The following SCTR variants were observed in gnomAD, a reference collection of about 807,000 sequenced individuals.
SCTR encodes pancreatic secretin receptor.
A neutral mutation model predicts 60.8 loss-of-function variants in SCTR; 56 were observed. The observed-to-expected ratio is 0.92, with a 90% CI of 0.74 to 1.15. The LOEUF (loss-of-function observed/expected upper bound fraction) is 1.15, where lower values mean the gene tolerates loss of function less well. Among genes scored for constraint, SCTR ranks in the 50% most tolerant of loss-of-function variants. SCTR has a pLI of 0.00. For missense variants in SCTR, 562 were observed against 550.4 expected (o/e 1.02, Z -0.21); for synonymous variants, 202 against 217.0 (o/e 0.93, Z 0.61).
chr2:119,522,376 A>G (rs1465978808), intron 1 of SCTR, among the ~76,000 whole-genome samples: 1 of 152,038 alleles, frequency 6.6e-6, no homozygotes, highest in East Asian at 1.9e-4. Context: ...GGGAATCAAG[A>G]GATCTGGGTG....
Position 119,518,993 on chromosome 2 carries a change from G to C in SCTR, c.72+5162C>G, listed in dbSNP as rs888589095. ...ACTCCCCCTTTTTTTTTGAGACGGA[G>C]TTTTGCTCTTGCTGCCCAGACTGGA... is the stretch of plus-strand genomic sequence containing the variant. On this transcript the variant is annotated intron_variant, in intron 1 of 12. Transcript: ENST00000019103. Among the ~76,000 whole-genome samples, 3 of 152,060 alleles carry C rather than the reference G, an allele frequency of 2.0e-5. No homozygotes were observed. The South Asian group carries it at 6.2e-4, about 32-fold the overall frequency.
chr2:119,492,643 C>G (rs1457177854), intron 2 of SCTR, among the ~76,000 whole-genome samples: 2 of 152,060 alleles, frequency 1.3e-5, no homozygotes, highest in Admixed American at 6.5e-5. Context: ...GGAAACATCA[C>G]CTCTATCTAG....
intron 1 of SCTR, 66 bp from the exon 2 acceptor site, chr2:119,494,614 TG>T: frequency 6.4e-7 from 1 of 1,566,784 alleles, no homozygotes; most frequent in Non-Finnish European, 8.7e-7. Flanking sequence ...TGGGGGAGAA[TG>T]GGGCAAGACA....
intron 7 of SCTR, among the ~76,000 whole-genome samples, chr2:119,460,735 G>C (rs1481674531): frequency 6.6e-6 from 1 of 152,204 alleles, no homozygotes; most frequent in African/African-American, 2.4e-5. Flanking sequence ...AAAAGGGACA[G>C]AGATGGAATG....
chr2:119,469,750 C>T (rs1388829518), intron 4 of SCTR, among the ~76,000 whole-genome samples: 9 of 152,140 alleles, frequency 5.9e-5, no homozygotes, highest in African/African-American at 9.7e-5. Context: ...AGCCCAGCCT[C>T]CCAAAGTGCT....
At position 119,440,195 on chromosome 2, in the gene SCTR, G is replaced by A. The variant is rs75716989; in HGVS notation, c.1245C>T (p.Pro415=). The change falls in exon 13 of 13, where the codon CCC becomes CCT. Residue 415 remains proline (P), a synonymous_variant. Transcript: ENST00000019103. ...QWHLREFPLH[P]VASFSNSTKA... ...TGGTGCTGTTGCTGAAGGAGGCCAC[G>A]GGGTGCAGTGGGAACTCACGGAGGT... The A allele has an allele frequency of 3.0e-3, 4,915 of 1,614,002 alleles. 133 individuals are homozygous for A. In the African/African-American group the frequency reaches 0.056, roughly 18 times the overall value.
intron 6 of SCTR, among the ~76,000 whole-genome samples, 164 bp from the exon 7 acceptor site, chr2:119,462,164 T>G (rs1683638047): frequency 6.6e-6 from 1 of 152,184 alleles, no homozygotes; most frequent in Non-Finnish European, 1.5e-5. Context: ...CCATCAGGCC[T>G]GCAGCATTCT....
At chr2:119,459,715 A>C (rs1367659016) in intron 7 of SCTR, among the ~76,000 whole-genome samples, 1 of 152,126 alleles carries the variant, frequency 6.6e-6, no homozygotes, top group African/African-American at 2.4e-5. Context: ...AGAAGAAAGG[A>C]AGGTTCTTAT....
intron 2 of SCTR, chr2:119,487,347 G>C (rs962828008): frequency 6.6e-6 from 1 of 152,228 alleles, no homozygotes; most frequent in Non-Finnish European, 1.5e-5. Flanking sequence ...AAAATAAAAA[G>C]CCTGTTTTCC....
chr2:119,496,961 T>C (rs1438031987), intron 1 of SCTR, among the ~76,000 whole-genome samples: 2 of 152,164 alleles, frequency 1.3e-5, no homozygotes, highest in Non-Finnish European at 2.9e-5. Context: ...GCCAGGGCAG[T>C]GCCAGAGAGG....
intron 1 of SCTR, among the ~76,000 whole-genome samples, chr2:119,501,351 A>G: frequency 6.6e-6 from 1 of 152,034 alleles, no homozygotes; most frequent in East Asian, 1.9e-4. Flanking sequence ...TGGAGCTTGC[A>G]GTAAGCCGAG....
chr2:119,466,572 C>T (rs886633209), intron 4 of SCTR, among the ~76,000 whole-genome samples: 1 of 151,932 alleles, frequency 6.6e-6, no homozygotes, highest in Admixed American at 6.6e-5. Flanking sequence ...GGCAACATTG[C>T]GAAACACTGT....
At chr2:119,492,018 A>T (rs986827034) in intron 2 of SCTR, among the ~76,000 whole-genome samples, 5 of 152,238 alleles carry the variant, frequency 3.3e-5, no homozygotes, top group Admixed American at 1.3e-4. Context: ...CTGATGAAGT[A>T]TACACAGAAG....
chr2:119,519,785 G>T (rs1281988508), intron 1 of SCTR, among the ~76,000 whole-genome samples: 1 of 124,610 alleles, frequency 8.0e-6, no homozygotes, highest in Non-Finnish European at 1.6e-5. Flanking sequence ...CAGCCTAGGT[G>T]ACAGAGTGAG....
At chr2:119,483,145 G>A (rs973273106) in intron 2 of SCTR, among the ~76,000 whole-genome samples, 6 of 152,222 alleles carry the variant, frequency 3.9e-5, no homozygotes, top group Admixed American at 1.3e-4. Flanking sequence ...GTGCCAGCAC[G>A]TCTGAGAGGC....
At chr2:119,459,840 T>C (rs1683529043) in intron 7 of SCTR, among the ~76,000 whole-genome samples, 1 of 152,152 alleles carries the variant, frequency 6.6e-6, no homozygotes, top group Non-Finnish European at 1.5e-5. Flanking sequence ...GGTCCTGATA[T>C]TATAGATGGG....
At chr2:119,510,773 T>A (rs1015918855) in intron 1 of SCTR, among the ~76,000 whole-genome samples, 1 of 151,696 alleles carries the variant, frequency 6.6e-6, no homozygotes, top group African/African-American at 2.4e-5. Flanking sequence ...AGCCTTTTTT[T>A]TAAATTTGTA....
At position 119,444,462 on chromosome 2, in the gene SCTR, T is replaced by C. The variant is rs1464438930; in HGVS notation, c.1140+2297A>G. 2.1e-4 allele frequency among the ~76,000 whole-genome samples: 24 copies of C among 114,896 alleles called. 3 individuals carry two copies. The highest frequency in any genetic ancestry group is 1.5e-3 in the South Asian group (5 of 3,352). The allele number at this position is 114,896 out of a possible 152,430, so 75.4% of individuals were successfully genotyped here. The stretch of plus-strand genomic sequence containing the variant: ...ACATATATATACGTACGTATATATA[T>C]ACACATATATACGTACGTATATATA... On this transcript the variant is annotated intron_variant, in intron 11 of 12. Coordinates refer to ENST00000019103, the MANE Select transcript of SCTR (RefSeq NM_002980.3).
At chr2:119,478,440 G>T (rs890694678) in intron 3 of SCTR, among the ~76,000 whole-genome samples, 1 of 152,160 alleles carries the variant, frequency 6.6e-6, no homozygotes, top group Admixed American at 6.5e-5. Context: ...CCATTAGGGA[G>T]CCTGCCACTA....
Sources: gnomAD v4.1 joint callset for allele counts (sites outside exome capture counted in the v4.1 genomes callset) on GRCh38, gnomAD v4.1.1 for gene constraint, MANE v1.5 for transcripts, NCBI Gene and HGNC (gene_info 2026-07-23, HGNC 2026-07-21) for gene names.